Variants in SRGAP2B observed in about 807,000 individuals in gnomAD.
The protein encoded by SRGAP2B is SLIT-ROBO Rho GTPase activating protein 2B, also known as SLIT-ROBO Rho GTPase-activating protein 2B.
SRGAP2B carries 9 observed loss-of-function variants against 22.2 expected under a neutral mutation model. That is an observed-to-expected ratio of 0.41 (90% confidence interval 0.24 to 0.71). SRGAP2B has a LOEUF of 0.71. Ranked by LOEUF, SRGAP2B falls within the 30% of genes least tolerant of loss-of-function variation. The pLI is 0.35. For synonymous variants in SRGAP2B, 36 were observed against 87.4 expected (o/e 0.41, Z 3.28); for missense variants, 114 against 235.8 (o/e 0.48, Z 3.38).
chr1:144,921,073 G>A (rs1664217584), intron 4 of SRGAP2B, among the ~76,000 whole-genome samples: 1 of 148,458 alleles, frequency 6.7e-6, no homozygotes, highest in African/African-American at 2.6e-5. Context: ...TTTACAACCT[G>A]TTGAGAAAGA....
intron 3 of SRGAP2B, among the ~76,000 whole-genome samples, chr1:144,969,414 A>G (rs1374677995): frequency 8.5e-6 from 1 of 117,216 alleles, no homozygotes; most frequent in Non-Finnish European, 1.7e-5. Flanking sequence ...TATTTAATAA[A>G]TGGTGCTGGG....
At chr1:145,075,818 T>C (rs1247127272) in intron 2 of SRGAP2B, among the ~76,000 whole-genome samples, 2 of 149,006 alleles carry the variant, frequency 1.3e-5, no homozygotes, top group Non-Finnish European at 3.0e-5. Flanking sequence ...CCGGGCACGG[T>C]GGCTCACACC....
intron 2 of SRGAP2B, among the ~76,000 whole-genome samples, chr1:145,068,899 GT>G (rs1651809703): frequency 9.0e-5 from 1 of 11,072 alleles, no homozygotes. Flanking sequence ...TAAAATGTGT[GT>G]GTGTGTGTGT....
rs1475955394 is a variant in SRGAP2B at position 144,979,948 on chromosome 1, T to C, written c.260+15060A>G. Among the ~76,000 whole-genome samples the C allele has an allele frequency of 1.0e-4, 15 of 150,742 alleles. 2 individuals carry two copies. Among genetic ancestry groups the C allele is most frequent in the Non-Finnish European group, 1.0e-4 (7 of 67,956 alleles). On this transcript the variant is annotated intron_variant, in intron 3 of 9. Transcript: ENST00000612199. ...TCACAAAAAATGGCCTAATACACTG[T>C]GTATTTGTATGCACATGTATCTAGG... is the stretch of plus-strand genomic sequence containing the variant.
Position 144,991,976 on chromosome 1 carries a change from C to A in SRGAP2B, c.260+3032G>T, listed in dbSNP as rs1253672619. ...GGAAGGTTTGTTCTTTTGCTTTTTG[C>A]AATAAATCTTGCTAGTGCTCACTTT... On this transcript the variant is annotated intron_variant, in intron 3 of 9. Transcript: ENST00000612199. 4.1e-5 allele frequency among the ~76,000 whole-genome samples: 6 copies of A among 145,574 alleles called. 1 individual carries two copies. The highest frequency in any genetic ancestry group is 1.6e-4 in the African/African-American group (6 of 37,388).
chr1:145,013,043 G>A (rs1264777404), intron 2 of SRGAP2B, among the ~76,000 whole-genome samples: 4 of 150,712 alleles, frequency 2.7e-5, no homozygotes, highest in East Asian at 1.9e-4. Flanking sequence ...AGATCACACC[G>A]CTGCACTCCA....
intron 4 of SRGAP2B, among the ~76,000 whole-genome samples, chr1:144,924,710 T>C (rs1470186425): frequency 4.3e-5 from 6 of 140,312 alleles, no homozygotes; most frequent in Non-Finnish European, 7.5e-5. Flanking sequence ...CCAGCCTCGG[T>C]GACAGAGCGA....
intron 2 of SRGAP2B, among the ~76,000 whole-genome samples, chr1:145,047,162 C>CA (rs1330636474): frequency 2.7e-5 from 3 of 110,192 alleles, no homozygotes; most frequent in Non-Finnish European, 5.2e-5. Context: ...GGCAACAGAG[C>CA]AAGACTCTGT....
chr1:145,036,019 C>T (rs1169618311), intron 2 of SRGAP2B, among the ~76,000 whole-genome samples: 1 of 135,550 alleles, frequency 7.4e-6, no homozygotes, highest in East Asian at 2.2e-4. Flanking sequence ...CAAAGTAATA[C>T]ATGCGAACAA....
chr1:144,984,212 C>T (rs1389242408), intron 3 of SRGAP2B, among the ~76,000 whole-genome samples: 2 of 150,038 alleles, frequency 1.3e-5, no homozygotes, highest in Non-Finnish European at 2.9e-5. Context: ...CCCAGCTACT[C>T]GGGAGGCTGA....
At chr1:144,998,268 G>A (rs1347799558) in intron 2 of SRGAP2B, among the ~76,000 whole-genome samples, 1 of 46,698 alleles carries the variant, frequency 2.1e-5, no homozygotes, top group Non-Finnish European at 4.3e-5. Context: ...CTTGCCCACC[G>A]ACTCACCAGC....
rs185975910 is a variant in SRGAP2B at position 145,006,924 on chromosome 1, C to T, written c.68-11724G>A. 2.4e-3 allele frequency among the ~76,000 whole-genome samples: 361 copies of T among 150,930 alleles called. 29 individuals carry two copies. Among genetic ancestry groups the T allele is most frequent in the African/African-American group, 8.5e-3 (344 of 40,386 alleles). ...AGAGGATAGACCGCATTCAGAAAAA[C>T]TTGAATTTTAATTGTAGTTCTGCCA... On this transcript the variant is annotated intron_variant, in intron 2 of 9. Coordinates refer to ENST00000612199, the Ensembl canonical transcript of SRGAP2B.
intron 2 of SRGAP2B, among the ~76,000 whole-genome samples, chr1:145,006,409 T>C (rs587624848): frequency 6.7e-6 from 1 of 149,962 alleles, no homozygotes; most frequent in South Asian, 2.1e-4. Flanking sequence ...CCTCCTTCCC[T>C]TTCTCCCCAT....
At chr1:144,893,052 CTGTT>C (rs1474487720) in intron 9 of SRGAP2B, among the ~76,000 whole-genome samples, 1 of 9,688 alleles carries the variant, frequency 1.0e-4, no homozygotes, top group Non-Finnish European at 2.6e-4. Context: ...TCAAAGGCCT[CTGTT>C]TGTTTGAACA....
At chr1:145,084,142 C>T (rs1384342484) in intron 2 of SRGAP2B, among the ~76,000 whole-genome samples, 2 of 135,894 alleles carry the variant, frequency 1.5e-5, no homozygotes, top group East Asian at 4.1e-4. Flanking sequence ...GGCACGATCT[C>T]GGCTCACAGC....
intron 2 of SRGAP2B, among the ~76,000 whole-genome samples, chr1:145,009,573 G>A (rs1671892801): frequency 6.8e-6 from 1 of 146,752 alleles, no homozygotes; most frequent in Non-Finnish European, 1.5e-5. Context: ...GGGCGACAGA[G>A]CGAGACTCCG....
intron 6 of SRGAP2B, 101 bp downstream of exon 6, chr1:144,905,758 C>T (rs1662942432): frequency 4.2e-6 from 3 of 708,370 alleles, no homozygotes; most frequent in Non-Finnish European, 7.8e-6. Flanking sequence ...GAACCCAGAG[C>T]TTCCTCGTCT....
At chr1:144,969,733 G>C (rs1553612893) in intron 3 of SRGAP2B, among the ~76,000 whole-genome samples, 1 of 150,562 alleles carries the variant, frequency 6.6e-6, no homozygotes, top group African/African-American at 2.5e-5. Flanking sequence ...GAAAATTTTT[G>C]CAACCTACTC....
intron 4 of SRGAP2B, 119 bp downstream of exon 4, chr1:144,955,320 A>G: frequency 2.0e-6 from 1 of 510,538 alleles, no homozygotes; most frequent in Non-Finnish European, 3.6e-6. Context: ...ATTGCATGTC[A>G]TGGGGGTCTG....
Sources: gnomAD v4.1 joint callset for allele counts (sites outside exome capture counted in the v4.1 genomes callset) on GRCh38, gnomAD v4.1.1 for gene constraint, MANE v1.5 for transcripts, NCBI Gene and HGNC (gene_info 2026-07-23, HGNC 2026-07-21) for gene names.